IRAK1BP1: variants seen among roughly 807,000 people sequenced by gnomAD.
IRAK1BP1 encodes interleukin-1 receptor-associated kinase 1-binding protein 1.
Under a neutral mutation model 28.0 loss-of-function variants are expected in IRAK1BP1, and 24 were observed. The observed-to-expected ratio is 0.86, with a 90% CI of 0.62 to 1.20. IRAK1BP1 has a LOEUF of 1.20. Among genes scored for constraint, IRAK1BP1 ranks in the 50% most tolerant of loss-of-function variants. IRAK1BP1 has a pLI of 0.00. For missense variants in IRAK1BP1, 336 were observed against 316.7 expected (o/e 1.06, Z -0.46); for synonymous variants, 131 against 116.3 (o/e 1.13, Z -0.81).
chr6:78,893,415 C>T (rs1464850546), intron 2 of IRAK1BP1, among the ~76,000 whole-genome samples: 4 of 148,624 alleles, frequency 2.7e-5, no homozygotes, highest in Non-Finnish European at 4.5e-5. Context: ...CAATTAAAGA[C>T]CTTTCCAGTA....
intron 2 of IRAK1BP1, among the ~76,000 whole-genome samples, chr6:78,896,198 GC>G (rs1771874694): frequency 6.6e-6 from 1 of 151,848 alleles, no homozygotes; most frequent in South Asian, 2.1e-4. Flanking sequence ...CAAAATCTCA[GC>G]CAGCTTTTCA....
chr6:78,907,910 G>A (rs1486001699), downstream of IRAK1BP1, among the ~76,000 whole-genome samples: 1 of 151,576 alleles, frequency 6.6e-6, no homozygotes, highest in African/African-American at 2.4e-5. Flanking sequence ...AGTAGAGACG[G>A]GGTTTCACCA....
At chr6:78,963,098 T>A in the IRAK1BP1 span, 1 of 1,592,802 alleles carries the variant, frequency 6.3e-7, no homozygotes, top group Non-Finnish European at 8.5e-7. Context: ...TTTACTTACC[T>A]AGTGTCATCA....
At chr6:78,873,254 C>CA (rs35962544) in intron 1 of IRAK1BP1, among the ~76,000 whole-genome samples, 14,715 of 41,042 alleles carry the variant, frequency 0.36, 5,458 homozygotes, top group African/African-American at 0.53. Context: ...AACTCTGTCT[C>CA]AAAAAAAAAA....
intron 4 of IRAK1BP1, among the ~76,000 whole-genome samples, chr6:78,919,229 G>A (rs1772653558): frequency 6.6e-6 from 1 of 152,010 alleles, no homozygotes; most frequent in African/African-American, 2.4e-5. Context: ...TAGCACTAAA[G>A]AACTCAATGA....
chr6:78,957,218 T>C, the IRAK1BP1 span: 1 of 152,006 alleles, frequency 6.6e-6, no homozygotes, highest in East Asian at 1.9e-4. Flanking sequence ...CTAAATTATT[T>C]CACTGAAATA....
chr6:78,914,994 A>AT (rs1258663928), intron 4 of IRAK1BP1, among the ~76,000 whole-genome samples: 1 of 148,476 alleles, frequency 6.7e-6, no homozygotes, highest in African/African-American at 2.5e-5. Context: ...CTAATTTTGT[A>AT]TTTTTAGTAG....
intron 1 of IRAK1BP1, among the ~76,000 whole-genome samples, chr6:78,884,551 A>G (rs1423426647): frequency 6.6e-6 from 1 of 152,132 alleles, no homozygotes; most frequent in Non-Finnish European, 1.5e-5. Flanking sequence ...ATAAATATTT[A>G]TATCATAGTG....
the IRAK1BP1 span, among the ~76,000 whole-genome samples, chr6:78,977,316 A>T: frequency 1.3e-5 from 2 of 151,832 alleles, no homozygotes; most frequent in African/African-American, 4.8e-5. Flanking sequence ...CATAGGTGGG[A>T]ATTGAACAAT....
intron 4 of IRAK1BP1, among the ~76,000 whole-genome samples, chr6:78,920,297 A>C (rs1354247484): frequency 2.6e-5 from 4 of 152,134 alleles, no homozygotes; most frequent in Non-Finnish European, 5.9e-5. Flanking sequence ...TTCTAAACTC[A>C]TATGGAACCA....
At chr6:78,890,506 TG>T (rs1216773394) in intron 2 of IRAK1BP1, among the ~76,000 whole-genome samples, 1 of 151,908 alleles carries the variant, frequency 6.6e-6, no homozygotes, top group Non-Finnish European at 1.5e-5. Flanking sequence ...ATGCAAGATT[TG>T]AATTTCCATA....
intron 1 of IRAK1BP1, among the ~76,000 whole-genome samples, chr6:78,879,638 C>T (rs1771149064): frequency 6.6e-6 from 1 of 152,174 alleles, no homozygotes; most frequent in South Asian, 2.1e-4. Context: ...CACTTCTGCC[C>T]ACTGCATTTT....
At chr6:78,885,531 C>T (rs1771395696) in intron 2 of IRAK1BP1, 88 bp downstream of exon 2, 3 of 603,482 alleles carry the variant, frequency 5.0e-6, no homozygotes, top group South Asian at 2.8e-5. Flanking sequence ...GTGAAAAATG[C>T]TTCTCATGAT....
chr6:78,935,449 CT>C, intron 4 of IRAK1BP1: 3 of 950,286 alleles, frequency 3.2e-6, no homozygotes, highest in African/African-American at 1.8e-5. Context: ...TCCATCATTC[CT>C]TTTTTCCCAG....
Position 78,929,691 on chromosome 6 carries a change from A to T in IRAK1BP1, c.*68-15717A>T, listed in dbSNP as rs185539796. Among the ~76,000 whole-genome samples, 651 of 152,296 alleles carry T rather than the reference A, an allele frequency of 4.3e-3. 4 individuals are homozygous for T. The highest frequency in any genetic ancestry group is 0.015 in the African/African-American group (615 of 41,566). ...CTCTGAATCTAAAATAAAAATTGAA[A>T]TTATATTTTTAAAATGGCTTTTTTT... On this transcript the variant is annotated intron_variant and NMD_transcript_variant, in intron 4 of 4. Transcript: ENST00000606868.
At chr6:78,928,906 A>C (rs1288846000) in intron 4 of IRAK1BP1, among the ~76,000 whole-genome samples, 1 of 152,134 alleles carries the variant, frequency 6.6e-6, no homozygotes, top group African/African-American at 2.4e-5. Flanking sequence ...TGTTGAATTC[A>C]ATTTGCAAGT....
the IRAK1BP1 span, among the ~76,000 whole-genome samples, chr6:78,964,072 A>G: frequency 6.6e-6 from 1 of 152,238 alleles, no homozygotes; most frequent in Non-Finnish European, 1.5e-5. Flanking sequence ...CTGCATTGCT[A>G]TCATATTCAC....
chr6:78,901,863 A>G lies in IRAK1BP1; in HGVS notation c.*3529A>G, dbSNP rs1772114437. 1 of 152,156 alleles carries G rather than the reference A, an allele frequency of 6.6e-6. No individual in the cohort carries two copies. The allele number at this position is 152,156 out of a possible 1,614,324, so 9.4% of individuals were successfully genotyped here. A position where few individuals can be genotyped will look rare whatever the true frequency, so the allele number is the denominator to read the frequency against. ...AACTCAAGATGCTGTACCTCATCCTATAATTGTTGTTTTGTAATATTCCTT... is the reference window on the plus strand; with the variant it reads ...AACTCAAGATGCTGTACCTCATCCTGTAATTGTTGTTTTGTAATATTCCTT... On this transcript the variant is annotated 3_prime_UTR_variant, in exon 4 of 4. Transcript: ENST00000369940.
the IRAK1BP1 span, among the ~76,000 whole-genome samples, chr6:78,954,134 C>A: frequency 1.3e-5 from 2 of 152,186 alleles, no homozygotes; most frequent in African/African-American, 2.4e-5. Context: ...CAGTCTCTTG[C>A]TCTGTCGCCC....
Sources: gnomAD v4.1 joint callset for allele counts (sites outside exome capture counted in the v4.1 genomes callset) on GRCh38, gnomAD v4.1.1 for gene constraint, MANE v1.5 for transcripts, NCBI Gene and HGNC (gene_info 2026-07-23, HGNC 2026-07-21) for gene names.